NFIA: variants seen among roughly 807,000 people sequenced by gnomAD.
NFIA encodes the protein nuclear factor I A, also known as nuclear factor 1 A-type.
A neutral mutation model predicts 62.8 loss-of-function variants in NFIA; 8 were observed. That is an observed-to-expected ratio of 0.13 (90% CI 0.07 to 0.23). The LOEUF (loss-of-function observed/expected upper bound fraction) is 0.23, where lower values mean the gene tolerates loss of function less well. Ranked by LOEUF, NFIA falls within the 10% of genes least tolerant of loss-of-function variation. The probability of loss-of-function intolerance (pLI) is 1.00; values close to 1 mark genes in which losing one functional copy is unlikely to be tolerated. For synonymous variants in NFIA, 235 were observed against 238.1 expected, an observed-to-expected ratio of 0.99 and a Z score of 0.12; for missense variants, 410 against 642.1, an observed-to-expected ratio of 0.64 and a Z score of 3.91.
intron 2 of NFIA, among the ~76,000 whole-genome samples, chr1:61,240,183 T>G (rs2100644199): frequency 6.6e-6 from 1 of 152,230 alleles, no homozygotes; most frequent in South Asian, 2.1e-4. Flanking sequence ...TGAATTTCAA[T>G]AGAAATTTTA....
At chr1:61,093,447 G>A (rs970272338) in intron 2 of NFIA, among the ~76,000 whole-genome samples, 6 of 152,192 alleles carry the variant, frequency 3.9e-5, no homozygotes, top group Admixed American at 1.3e-4. Context: ...TAAGCTCAAG[G>A]TGGATTTTTT....
chr1:61,425,886 A>C (rs546902217), intron 9 of NFIA, among the ~76,000 whole-genome samples: 27 of 152,350 alleles, frequency 1.8e-4, no homozygotes, highest in African/African-American at 5.8e-4. Flanking sequence ...TATTTTGTGC[A>C]TCATAAAGAT....
chr1:61,089,688 T>TTTTTTTC (rs1327536234), intron 2 of NFIA, among the ~76,000 whole-genome samples: 1 of 147,862 alleles, frequency 6.8e-6, no homozygotes. Flanking sequence ...ATTTAACGTT[T>TTTTTTTC]TTTTTTCTTT....
At chr1:61,293,054 G>T (rs1255150192) in intron 3 of NFIA, among the ~76,000 whole-genome samples, 2 of 152,104 alleles carry the variant, frequency 1.3e-5, no homozygotes, top group East Asian at 1.9e-4. Flanking sequence ...GGGCGAGTTT[G>T]GGCACTTCAG....
intron 2 of NFIA, among the ~76,000 whole-genome samples, chr1:61,196,488 T>C (rs1652009105): frequency 6.6e-6 from 1 of 152,194 alleles, no homozygotes; most frequent in African/African-American, 2.4e-5. Context: ...TACATGTAAA[T>C]ACATTTCTTA....
intron 2 of NFIA, among the ~76,000 whole-genome samples, chr1:61,109,290 T>C (rs907109802): frequency 2.0e-5 from 3 of 151,874 alleles, no homozygotes; most frequent in Non-Finnish European, 2.9e-5. Flanking sequence ...GGTTGATTAA[T>C]GTACGAGAAG....
chr1:61,450,824 G>A (rs1265058451), intron 10 of NFIA, among the ~76,000 whole-genome samples: 2 of 152,164 alleles, frequency 1.3e-5, no homozygotes, highest in African/African-American at 4.8e-5. Flanking sequence ...AGCACTCTCT[G>A]CTCCTTTTAG....
chr1:61,082,640 A>G lies in NFIA; in HGVS notation c.-152A>G. ...TGAGCCGACTTGGAAATGTGAACGC[A>G]AGAAGCAGGCTTGATTTTTTTTTCT... On this transcript the variant is annotated 5_prime_UTR_variant, in exon 1 of 11. Transcript: ENST00000403491. The G allele has an allele frequency of 1.3e-6, 2 of 1,518,504 alleles. No homozygotes were observed. Among genetic ancestry groups the G allele is most frequent in the Non-Finnish European group, 1.8e-6 (2 of 1,128,054 alleles). The allele number at this position is 1,518,504 out of a possible 1,614,324, so 94.1% of individuals were successfully genotyped here. A position where few individuals can be genotyped will look rare whatever the true frequency, so the allele number is the denominator to read the frequency against.
Position 61,222,685 on chromosome 1 carries a change from C to A in NFIA, c.560-54835C>A, listed in dbSNP as rs752552977. ...AAAACACTGTTATGCTGAAATAATG[C>A]TTTATAGAACTTTAAAAATGTGATT... On this transcript the variant is annotated intron_variant, in intron 2 of 10. Coordinates refer to ENST00000403491, the MANE Select transcript of NFIA (RefSeq NM_001134673.4). Among the ~76,000 whole-genome samples, 28 of 151,966 alleles carry A rather than the reference C, an allele frequency of 1.8e-4. 1 individual carries two copies. Among genetic ancestry groups the A allele is most frequent in the Admixed American group, 6.6e-5 (1 of 15,260 alleles).
At chr1:61,210,963 G>T (rs1217362189) in intron 2 of NFIA, among the ~76,000 whole-genome samples, 1 of 152,202 alleles carries the variant, frequency 6.6e-6, no homozygotes, top group East Asian at 1.9e-4. Context: ...TGTGATGGCT[G>T]AACTGGCATC....
intron 2 of NFIA, among the ~76,000 whole-genome samples, chr1:61,250,344 T>G (rs977652655): frequency 6.6e-6 from 1 of 152,204 alleles, no homozygotes; most frequent in Non-Finnish European, 1.5e-5. Context: ...AAAATTAGTT[T>G]TCACTTTAGA....
intron 2 of NFIA, among the ~76,000 whole-genome samples, chr1:61,210,204 A>G (rs1653160787): frequency 6.6e-6 from 1 of 152,214 alleles, no homozygotes; most frequent in African/African-American, 2.4e-5. Context: ...GCAGCAGGCA[A>G]TGTGGTTTTC....
intron 2 of NFIA, among the ~76,000 whole-genome samples, chr1:61,217,721 T>C (rs1282028653): frequency 6.6e-6 from 1 of 152,192 alleles, no homozygotes; most frequent in African/African-American, 2.4e-5. Flanking sequence ...GGGGAAAGGC[T>C]CACAGTCTTA....
At chr1:61,156,237 T>A (rs1648811878) in intron 2 of NFIA, among the ~76,000 whole-genome samples, 1 of 152,232 alleles carries the variant, frequency 6.6e-6, no homozygotes, top group Non-Finnish European at 1.5e-5. Context: ...ATTTTCCAGA[T>A]AAGGAAAGTG....
intron 10 of NFIA, among the ~76,000 whole-genome samples, chr1:61,429,335 A>G (rs1263419088): frequency 6.6e-6 from 1 of 152,178 alleles, no homozygotes; most frequent in Non-Finnish European, 1.5e-5. Flanking sequence ...GAGATTGTTG[A>G]TTTTCCCAAG....
At chr1:61,177,052 G>C (rs1169719938) in intron 2 of NFIA, among the ~76,000 whole-genome samples, 1 of 151,886 alleles carries the variant, frequency 6.6e-6, no homozygotes, top group South Asian at 2.1e-4. Context: ...CTTGCAGTGA[G>C]CCAAGATCGC....
At chr1:61,315,143 T>C (rs1464919849) in intron 3 of NFIA, among the ~76,000 whole-genome samples, 1 of 152,212 alleles carries the variant, frequency 6.6e-6, no homozygotes, top group Non-Finnish European at 1.5e-5. Context: ...AACGATTTAC[T>C]GTATAAGAGA....
At chr1:61,151,093 A>G (rs999102038) in intron 2 of NFIA, among the ~76,000 whole-genome samples, 2 of 152,200 alleles carry the variant, frequency 1.3e-5, no homozygotes, top group Non-Finnish European at 2.9e-5. Flanking sequence ...TCTTTCCTTT[A>G]TCATGGCCAT....
chr1:61,219,245 C>T (rs1456658484), intron 2 of NFIA, among the ~76,000 whole-genome samples: 1 of 150,340 alleles, frequency 6.7e-6, no homozygotes, highest in Non-Finnish European at 1.5e-5. Context: ...AAAAAAAAAA[C>T]CTCTACCCTT....
Sources: allele counts gnomAD v4.1 joint callset (sites outside exome capture counted in the v4.1 genomes callset), GRCh38; gene constraint gnomAD v4.1.1; transcripts MANE v1.5; gene names NCBI Gene and HGNC (gene_info 2026-07-23, HGNC 2026-07-21).